SUSD6: variants seen among roughly 807,000 people sequenced by gnomAD.
The protein encoded by SUSD6 is sushi domain containing 6.
SUSD6 carries 16 observed loss-of-function variants against 28.4 expected under a neutral mutation model. The ratio of observed to expected loss-of-function variants is 0.56; its 90% CI spans 0.38 to 0.86. The LOEUF is 0.86. SUSD6 is among the 40% of genes least tolerant of loss of function. The pLI, the probability that SUSD6 is intolerant of heterozygous loss-of-function variation, is 0.00. For synonymous variants in SUSD6, 147 were observed against 159.6 expected (o/e 0.92, Z 0.59); for missense variants, 341 against 384.2 (o/e 0.89, Z 0.94).
intron 1 of SUSD6, among the ~76,000 whole-genome samples, chr14:69,643,876 A>G (rs1465389997): frequency 6.6e-6 from 1 of 152,214 alleles, no homozygotes; most frequent in Non-Finnish European, 1.5e-5. Context: ...GTGAGAAGCT[A>G]GAGGTAGAGT....
chr14:69,647,545 T>C (rs576298930), intron 1 of SUSD6, among the ~76,000 whole-genome samples: 3 of 152,124 alleles, frequency 2.0e-5, no homozygotes, highest in African/African-American at 7.2e-5. Flanking sequence ...TTTCACTCAC[T>C]AATGGATGTC....
Position 69,693,924 on chromosome 14 carries a change from A to G in SUSD6, c.122-9471A>G, listed in dbSNP as rs573354920. On this transcript the variant is annotated intron_variant, in intron 2 of 5. Transcript: ENST00000342745. Reference sequence around the variant, plus strand: ...AATACAAATTGTACCCTGGAGAGGGATGCTCTTTGCCGTTGTCTGTTATTG... The same window carrying G: ...AATACAAATTGTACCCTGGAGAGGGGTGCTCTTTGCCGTTGTCTGTTATTG... Among the ~76,000 whole-genome samples the G allele has an allele frequency of 3.9e-5, 6 of 152,348 alleles. No homozygotes were observed. The East Asian group carries it at 1.2e-3, about 29-fold the overall frequency.
chr14:69,678,501 A>G (rs1381695680), intron 2 of SUSD6, among the ~76,000 whole-genome samples: 1 of 152,098 alleles, frequency 6.6e-6, no homozygotes, highest in Admixed American at 6.5e-5. Context: ...CCAGTTGTTC[A>G]CTGTTAAAAA....
chr14:69,711,209 C>T lies in SUSD6; in HGVS notation c.*230C>T, dbSNP rs731659. 2,435 of 578,730 alleles carry T rather than the reference C, an allele frequency of 4.2e-3. 57 individuals are homozygous for T. In the African/African-American group the frequency reaches 0.042, roughly 10 times the overall value. The allele number at this position is 578,730 out of a possible 1,614,324, so 35.8% of individuals were successfully genotyped here. On this transcript the variant is annotated 3_prime_UTR_variant, in exon 6 of 6. Transcript: ENST00000342745. ...GAGGAGCTGGCTCTTTGCCTGGCCC[C>T]GCCTTCCCATCTGTCAGAGACATAT...
At chr14:69,658,928 C>T (rs573346163) in intron 2 of SUSD6, among the ~76,000 whole-genome samples, 214 of 152,198 alleles carry the variant, frequency 1.4e-3, no homozygotes, top group African/African-American at 5.0e-3. Context: ...TGGTGGTAAC[C>T]TTGTCACCCC....
chr14:69,701,253 A>T (rs1436536441), intron 2 of SUSD6, among the ~76,000 whole-genome samples: 1 of 150,960 alleles, frequency 6.6e-6, no homozygotes, highest in African/African-American at 2.4e-5. Context: ...GACCGCCAGG[A>T]TCCCGCTCAA....
At chr14:69,653,641 G>A (rs1381249978) in intron 1 of SUSD6, among the ~76,000 whole-genome samples, 1 of 151,476 alleles carries the variant, frequency 6.6e-6, no homozygotes, top group African/African-American at 2.4e-5. Flanking sequence ...ATTAGGAGGA[G>A]TAGTCACTAA....
At chr14:69,674,359 C>T (rs890633791) in intron 2 of SUSD6, among the ~76,000 whole-genome samples, 3 of 152,154 alleles carry the variant, frequency 2.0e-5, no homozygotes, top group African/African-American at 4.8e-5. Context: ...CTTCTTTTCT[C>T]GCTTCTTCTT....
At chr14:69,683,150 C>T (rs1886023132) in intron 2 of SUSD6, among the ~76,000 whole-genome samples, 1 of 152,028 alleles carries the variant, frequency 6.6e-6, no homozygotes, top group Non-Finnish European at 1.5e-5. Flanking sequence ...AGGCTGTCTA[C>T]AGGCAGAAGT....
intron 2 of SUSD6, among the ~76,000 whole-genome samples, chr14:69,678,010 T>A (rs1216529529): frequency 6.6e-6 from 1 of 152,200 alleles, no homozygotes; most frequent in African/African-American, 2.4e-5. Context: ...AGATGACCAG[T>A]ATCCTAAGTT....
rs529147309 is a variant in SUSD6 at position 69,618,102 on chromosome 14, T to G, written c.-81+6274T>G. Among the ~76,000 whole-genome samples the G allele has an allele frequency of 2.6e-5, 4 of 152,306 alleles. No individual in the cohort carries two copies. The South Asian group carries it at 8.3e-4, about 32-fold the overall frequency. ...TGAAATAATGCAACAGAATGTCTCC[T>G]TTTGCCCTTGTTCCAATTGGAACCA... On this transcript the variant is annotated intron_variant, in intron 1 of 5. Transcript: ENST00000342745.
intron 2 of SUSD6, among the ~76,000 whole-genome samples, chr14:69,700,725 A>C (rs1886301814): frequency 6.6e-6 from 1 of 152,196 alleles, no homozygotes; most frequent in Non-Finnish European, 1.5e-5. Context: ...TTGTGGCACA[A>C]ATCACATTAT....
At chr14:69,695,716 G>A (rs1161761041) in intron 2 of SUSD6, among the ~76,000 whole-genome samples, 1 of 152,168 alleles carries the variant, frequency 6.6e-6, no homozygotes. Flanking sequence ...GGGTGAAATT[G>A]AGCAAGTATC....
intron 2 of SUSD6, among the ~76,000 whole-genome samples, chr14:69,699,459 C>T (rs999776231): frequency 7.2e-5 from 11 of 152,138 alleles, no homozygotes; most frequent in Admixed American, 2.0e-4. Flanking sequence ...CCACCTTGAC[C>T]TCCCAAAGCG....
At chr14:69,687,710 T>C (rs142107119) in intron 2 of SUSD6, among the ~76,000 whole-genome samples, 43 of 152,346 alleles carry the variant, frequency 2.8e-4, no homozygotes, top group African/African-American at 1.0e-3. Flanking sequence ...ATAGCAGTAT[T>C]GTGGGCTTCT....
chr14:69,683,811 G>A (rs960419895), intron 2 of SUSD6, among the ~76,000 whole-genome samples: 2 of 152,218 alleles, frequency 1.3e-5, no homozygotes, highest in African/African-American at 2.4e-5. Flanking sequence ...ATAAATTATA[G>A]TATGCCTCCA....
chr14:69,658,798 C>T, intron 2 of SUSD6, 85 bp downstream of exon 2: 1 of 1,576,708 alleles, frequency 6.3e-7, no homozygotes, highest in Non-Finnish European at 8.7e-7. Context: ...GGGGACTCTC[C>T]TCCTGGCAGG....
intron 2 of SUSD6, among the ~76,000 whole-genome samples, chr14:69,661,520 T>C (rs1385815082): frequency 6.6e-6 from 1 of 152,106 alleles, no homozygotes; most frequent in East Asian, 1.9e-4. Context: ...TCTTTTCTAC[T>C]CCCCATAAAA....
At chr14:69,688,963 G>A (rs1429472099) in intron 2 of SUSD6, among the ~76,000 whole-genome samples, 2 of 152,176 alleles carry the variant, frequency 1.3e-5, no homozygotes, top group African/African-American at 4.8e-5. Context: ...TTTTCTAAAT[G>A]TTCAGTTATC....
Sources: gnomAD v4.1 joint callset for allele counts (sites outside exome capture counted in the v4.1 genomes callset) on GRCh38, gnomAD v4.1.1 for gene constraint, MANE v1.5 for transcripts, NCBI Gene and HGNC (gene_info 2026-07-23, HGNC 2026-07-21) for gene names.